Variants in AKAP1 observed in about 807,000 individuals in gnomAD.
AKAP1 encodes the protein A-kinase anchoring protein 1.
In AKAP1, 32 loss-of-function variants were observed where a neutral mutation model predicts 79.8. The observed-to-expected ratio is 0.40, with a 90% CI of 0.30 to 0.54. The LOEUF (loss-of-function observed/expected upper bound fraction) is 0.54, where lower values mean the gene tolerates loss of function less well. Among genes scored for constraint, AKAP1 ranks in the 20% least tolerant of loss-of-function variants. The pLI is 0.47. For synonymous variants in AKAP1, 416 were observed against 466.7 expected (o/e 0.89, Z 1.40); for missense variants, 961 against 1,138.9 (o/e 0.84, Z 2.25).
Position 57,118,466 on chromosome 17 carries a change from G to A in AKAP1, c.2574+12G>A. 1 of 1,613,766 alleles carries A rather than the reference G, an allele frequency of 6.2e-7. No individual in the cohort carries two copies. Among genetic ancestry groups the A allele is most frequent in the African/African-American group, 1.3e-5 (1 of 75,026 alleles). ...CACTGCTTGCTCAGGTGTGTGGTTGGCAGGGGTGGGGGAGGCAGGCTGGCT... is the reference window on the plus strand; with the variant it reads ...CACTGCTTGCTCAGGTGTGTGGTTGACAGGGGTGGGGGAGGCAGGCTGGCT... On this transcript the variant is annotated intron_variant, in intron 9 of 10. Coordinates refer to ENST00000337714, the MANE Select transcript of AKAP1 (RefSeq NM_003488.4).
chr17:57,120,673 CCAAA>C lies in AKAP1; in HGVS notation c.*355_*358del, dbSNP rs748629461. 3.8e-4 allele frequency: 76 copies of C among 198,052 alleles called. No individual in the cohort carries two copies. The highest frequency in any genetic ancestry group is 1.5e-3 in the Admixed American group (28 of 18,468). The allele number at this position is 198,052 out of a possible 1,614,324, so 12.3% of individuals were successfully genotyped here. A position where few individuals can be genotyped will look rare whatever the true frequency, so the allele number is the denominator to read the frequency against. On this transcript the variant is annotated 3_prime_UTR_variant, in exon 11 of 11. Transcript: ENST00000337714. ...CTTCTATCTCCTTCCCCGGCAAAAACCAAACAAACTGGCAGACAGGCCAGGGATG... is the reference window on the plus strand; with the variant it reads ...CTTCTATCTCCTTCCCCGGCAAAAACCAAACTGGCAGACAGGCCAGGGATG...
chr17:57,085,327 C>CG lies in AKAP1; in HGVS notation c.-92dup, dbSNP rs1913376848. 6.6e-6 allele frequency: 1 copy of CG among 151,268 alleles called. No homozygotes were observed. Among genetic ancestry groups the CG allele is most frequent in the Non-Finnish European group, 1.5e-5 (1 of 67,766 alleles). 9.4% of individuals were successfully genotyped at this position (151,268 alleles called of 1,614,324 possible). On this transcript the variant is annotated 5_prime_UTR_variant, in exon 1 of 11. Coordinates refer to ENST00000337714, the MANE Select transcript of AKAP1 (RefSeq NM_003488.4). Reference sequence around the variant, plus strand: ...AAGCGCGGCGCTGCGGGCCGGGCCGCGGGGCACAGCCGGGGGCCGGCGGCG... The same window carrying CG: ...AAGCGCGGCGCTGCGGGCCGGGCCGCGGGGGCACAGCCGGGGGCCGGCGGCG...
chr17:57,112,287 A>G (rs1425471258), intron 4 of AKAP1, among the ~76,000 whole-genome samples: 1 of 152,182 alleles, frequency 6.6e-6, no homozygotes, highest in Non-Finnish European at 1.5e-5. Context: ...CATTGAAAGC[A>G]TGGATCATAA....
At position 57,105,346 on chromosome 17, in the gene AKAP1, G is replaced by A. The variant is rs1675389600; in HGVS notation, c.-24-95G>A. 5.6e-6 allele frequency: 7 copies of A among 1,240,588 alleles called. No individual in the cohort carries two copies. In the Admixed American group the frequency reaches 6.8e-5, roughly 12 times the overall value. The allele number at this position is 1,240,588 out of a possible 1,614,324, so 76.8% of individuals were successfully genotyped here. ...AGGGAAGGCGGAGGAGATGGCTCCAGCTCTACCCTGTTGACTGTCTTGCAT... is the reference window on the plus strand; with the variant it reads ...AGGGAAGGCGGAGGAGATGGCTCCAACTCTACCCTGTTGACTGTCTTGCAT... On this transcript the variant is annotated intron_variant, in intron 1 of 10. Transcript: ENST00000337714.
At chr17:57,102,637 T>TC (rs1726697819) in intron 1 of AKAP1, among the ~76,000 whole-genome samples, 1 of 144,466 alleles carries the variant, frequency 6.9e-6, no homozygotes, top group African/African-American at 2.7e-5. Flanking sequence ...GCTCTCTCTC[T>TC]TTTTTTTTTG....
Position 57,105,438 on chromosome 17 carries a change from C to A in AKAP1, c.-24-3C>A. On this transcript the variant is annotated splice_region_variant and splice_polypyrimidine_tract_variant and intron_variant, in intron 1 of 10. Transcript: ENST00000337714. The stretch of plus-strand genomic sequence containing the variant: ...CTCCTCCCCGCTCTCCTGCTCTCCC[C>A]AGGTGTAATTACTTCAAGCCTCCAG... 1.3e-6 allele frequency: 2 copies of A among 1,589,716 alleles called. No individual in the cohort carries two copies. Among genetic ancestry groups the A allele is most frequent in the South Asian group, 2.2e-5 (2 of 90,228 alleles).
At position 57,105,530 on chromosome 17, in the gene AKAP1, G is replaced by T; in HGVS notation, c.66G>T (p.Trp22Cys). 2 of 1,614,066 alleles carry T rather than the reference G, an allele frequency of 1.2e-6. No homozygotes were observed. The highest frequency in any genetic ancestry group is 1.7e-6 in the Non-Finnish European group (2 of 1,179,986). The change falls in exon 2 of 11, where the codon TGG (tryptophan) becomes TGT (cysteine). Residue 22 changes from tryptophan (W) to cysteine (C), a missense_variant. Transcript: ENST00000337714. The part of the protein sequence containing the change: ...ALPGMLALLG[W>C]WWFFSRKKGH... ...CTGGGATGCTGGCGCTCCTCGGCTGGTGGTGGTTTTTCTCTCGTAAAAAAG... is the reference window on the plus strand; with the variant it reads ...CTGGGATGCTGGCGCTCCTCGGCTGTTGGTGGTTTTTCTCTCGTAAAAAAG...
In AKAP1 at chr17:57,112,004, A is replaced by G. The variant is rs1315618213; in HGVS notation, c.1975+80A>G. On this transcript the variant is annotated intron_variant, in intron 4 of 10. Transcript: ENST00000337714. ...GAATAGCATCTGAGTTTCAATTGCT[A>G]TCTTTTTGGAATAGGAAACCCTGCT... 3.2e-6 allele frequency: 5 copies of G among 1,539,012 alleles called. No individual in the cohort carries two copies. In the East Asian group the frequency reaches 6.8e-5, roughly 21 times the overall value.
Position 57,085,286 on chromosome 17 carries a change from C to A in AKAP1, c.-137C>A, listed in dbSNP as rs1339190462. The A allele has an allele frequency of 1.3e-5, 2 of 151,004 alleles. No individual in the cohort carries two copies. Among genetic ancestry groups the A allele is most frequent in the Non-Finnish European group, 3.0e-5 (2 of 67,678 alleles). 9.4% of individuals were successfully genotyped at this position (151,004 alleles called of 1,614,324 possible). ...TGTGTTCCACCCGCCTGGGCTAGCA[C>A]GTGGGGGAGCTGCGGAAGCGCGGCG... On this transcript the variant is annotated 5_prime_UTR_variant, in exon 1 of 11. Coordinates refer to ENST00000337714, the MANE Select transcript of AKAP1 (RefSeq NM_003488.4).
intron 3 of AKAP1, among the ~76,000 whole-genome samples, chr17:57,110,557 A>T (rs1210471029): frequency 2.6e-5 from 4 of 152,236 alleles, no homozygotes; most frequent in Non-Finnish European, 5.9e-5. Context: ...GCAAAGCATA[A>T]ATCCATATTT....
At position 57,105,518 on chromosome 17, in the gene AKAP1, G is replaced by A. The variant is rs1555620748; in HGVS notation, c.54G>A (p.Ala18=). The A allele has an allele frequency of 4.3e-6, 7 of 1,613,952 alleles. No individual in the cohort carries two copies. Among genetic ancestry groups the A allele is most frequent in the South Asian group, 3.3e-5 (3 of 91,072 alleles). The change falls in exon 2 of 11, where the codon GCG becomes GCA. Residue 18 remains alanine (A), a synonymous_variant. Coordinates refer to ENST00000337714, the MANE Select transcript of AKAP1 (RefSeq NM_003488.4). ...LFPLALPGML[A]LLGWWWFFSR... is the part of the protein sequence containing the mutation. ...CCTTGGCATTGCCTGGGATGCTGGCGCTCCTCGGCTGGTGGTGGTTTTTCT... is the reference window on the plus strand; with the variant it reads ...CCTTGGCATTGCCTGGGATGCTGGCACTCCTCGGCTGGTGGTGGTTTTTCT...
At chr17:57,114,028 T>C (rs1382525119) in intron 5 of AKAP1, among the ~76,000 whole-genome samples, 1 of 152,142 alleles carries the variant, frequency 6.6e-6, no homozygotes, top group Non-Finnish European at 1.5e-5. Flanking sequence ...CTGCTTATTT[T>C]CAGGAGTCTT....
Position 57,104,465 on chromosome 17 carries a change from A to G in AKAP1, c.-24-976A>G, listed in dbSNP as rs545853414. 2.3e-4 allele frequency among the ~76,000 whole-genome samples: 35 copies of G among 152,356 alleles called. No homozygotes were observed. The South Asian group carries it at 6.0e-3, about 26-fold the overall frequency. On this transcript the variant is annotated intron_variant, in intron 1 of 10. Coordinates refer to ENST00000337714, the MANE Select transcript of AKAP1 (RefSeq NM_003488.4). ...AATGGAGTTACATCCTGGTAGACCCATTGTAAGCTGAAAATAGCATAAATC... is the reference window on the plus strand; with the variant it reads ...AATGGAGTTACATCCTGGTAGACCCGTTGTAAGCTGAAAATAGCATAAATC...
chr17:57,108,641 C>T (rs1324557439), intron 2 of AKAP1, among the ~76,000 whole-genome samples: 1 of 152,176 alleles, frequency 6.6e-6, no homozygotes, highest in Non-Finnish European at 1.5e-5. Context: ...CACGAGCATG[C>T]GGTGGGTGCC....
intron 8 of AKAP1, among the ~76,000 whole-genome samples, chr17:57,117,278 A>G (rs750693608): frequency 6.6e-6 from 1 of 152,214 alleles, no homozygotes; most frequent in African/African-American, 2.4e-5. Flanking sequence ...CAGCCAGGCC[A>G]TAGCTCCATA....
At position 57,116,282 on chromosome 17, in the gene AKAP1, C is replaced by T. The variant is rs376143629; in HGVS notation, c.2432+21C>T. 2.0e-5 allele frequency: 33 copies of T among 1,613,612 alleles called. No individual in the cohort carries two copies. The African/African-American group carries it at 4.0e-4, about 20-fold the overall frequency. On this transcript the variant is annotated intron_variant, in intron 7 of 10. Coordinates refer to ENST00000337714, the MANE Select transcript of AKAP1 (RefSeq NM_003488.4). ...ATCAGGTGAGCGGAGATGCCTCAGG[C>T]AGGCCTACGCCCTGCTTGTTCTGGG...
intron 1 of AKAP1, among the ~76,000 whole-genome samples, chr17:57,087,533 G>A (rs1206775913): frequency 1.3e-5 from 2 of 152,210 alleles, no homozygotes; most frequent in Non-Finnish European, 2.9e-5. Context: ...GAAGGCTGGT[G>A]TTAGCCTCTA....
At chr17:57,094,675 A>G (rs1913988518) in intron 1 of AKAP1, 1 of 144,052 alleles carries the variant, frequency 6.9e-6, no homozygotes, top group African/African-American at 2.6e-5. Context: ...CAGTAATGCC[A>G]TCATAGCTCA....
intron 3 of AKAP1, among the ~76,000 whole-genome samples, chr17:57,111,134 TC>T (rs983041230): frequency 1.1e-4 from 16 of 152,280 alleles, no homozygotes; most frequent in African/African-American, 2.9e-4. Context: ...ATGGACCATG[TC>T]CCCAGTAGCT....
Sources: gnomAD v4.1 joint callset for allele counts (sites outside exome capture counted in the v4.1 genomes callset) on GRCh38, gnomAD v4.1.1 for gene constraint, MANE v1.5 for transcripts, NCBI Gene and HGNC (gene_info 2026-07-23, HGNC 2026-07-21) for gene names.